Variants in ZNF343 observed in about 807,000 individuals in gnomAD.
ZNF343 encodes the protein zinc finger protein 343.
ZNF343 carries 11 observed loss-of-function variants against 13.8 expected under a neutral mutation model. The observed-to-expected ratio is 0.80, with a 90% CI of 0.50 to 1.32. The LOEUF is 1.32. ZNF343 is among the 40% of genes most tolerant of loss of function. The pLI is 0.00. For synonymous variants in ZNF343, 248 were observed against 260.0 expected (o/e 0.95, Z 0.44); for missense variants, 658 against 714.2 (o/e 0.92, Z 0.90).
intron 5 of ZNF343, among the ~76,000 whole-genome samples, chr20:2,486,314 T>C (rs1243341267): frequency 6.6e-6 from 1 of 152,248 alleles, no homozygotes; most frequent in African/African-American, 2.4e-5. Flanking sequence ...GAAAGTATCA[T>C]CATTTCACTA....
At chr20:2,499,328 A>G (rs1334521507) in intron 2 of ZNF343, among the ~76,000 whole-genome samples, 7 of 126,388 alleles carry the variant, frequency 5.5e-5, no homozygotes, top group East Asian at 2.2e-4. Flanking sequence ...AGCCGGGCGT[A>G]GTGGCGGGCA....
intron 5 of ZNF343, among the ~76,000 whole-genome samples, chr20:2,490,587 G>A (rs1367436581): frequency 6.7e-6 from 1 of 149,674 alleles, no homozygotes; most frequent in Non-Finnish European, 1.5e-5. Flanking sequence ...CCCCAGGCTG[G>A]AGTGCAATGG....
intron 4 of ZNF343, 27 bp downstream of exon 4, chr20:2,493,490 GAA>G (rs371945940): frequency 1.7e-4 from 218 of 1,260,596 alleles, no homozygotes; most frequent in Admixed American, 2.6e-4. Flanking sequence ...AGCACTTCAG[GAA>G]AAAAAAAAAA....
chr20:2,520,368 C>A (rs1045887253), intron 1 of ZNF343, among the ~76,000 whole-genome samples: 5 of 152,126 alleles, frequency 3.3e-5, no homozygotes, highest in African/African-American at 9.7e-5. Flanking sequence ...CGTGGTACCT[C>A]ACATCTATAA....
chr20:2,524,665 G>A (rs2085797328), upstream of ZNF343: 1 of 152,464 alleles, frequency 6.6e-6, no homozygotes, highest in Non-Finnish European at 1.5e-5. Context: ...GGGAGCCCAG[G>A]GGGCCTTCGC....
chr20:2,516,486 C>A (rs2085759987), intron 1 of ZNF343, among the ~76,000 whole-genome samples: 1 of 152,016 alleles, frequency 6.6e-6, no homozygotes, highest in Non-Finnish European at 1.5e-5. Flanking sequence ...AGCAAGTGCA[C>A]AGTGAGTGTG....
chr20:2,523,397 C>CT (rs373826138), intron 1 of ZNF343, among the ~76,000 whole-genome samples: 3,264 of 149,646 alleles, frequency 0.022, 74 homozygotes, highest in African/African-American at 0.061. Context: ...TCTTTTATTC[C>CT]TTTTTTTTTT....
At chr20:2,495,533 A>T (rs998311197) in intron 2 of ZNF343, 1 of 152,238 alleles carries the variant, frequency 6.6e-6, no homozygotes, top group Non-Finnish European at 1.5e-5. Context: ...TACTGTAAAA[A>T]GTCATGGTAC....
At chr20:2,524,495 C>G (rs1322310210) in exon 1 of ZNF343, 2 of 152,866 alleles carry the variant, frequency 1.3e-5, no homozygotes, top group South Asian at 2.1e-4. Context: ...GGCTGTCCCC[C>G]CACTGCCTGC....
intron 2 of ZNF343, among the ~76,000 whole-genome samples, chr20:2,496,788 G>GACTT (rs1283873494): frequency 6.6e-6 from 1 of 152,158 alleles, no homozygotes; most frequent in Non-Finnish European, 1.5e-5. Flanking sequence ...GGAAGGATAA[G>GACTT]ACTTACCATC....
chr20:2,519,079 T>C (rs2085772005), intron 1 of ZNF343, among the ~76,000 whole-genome samples: 1 of 152,188 alleles, frequency 6.6e-6, no homozygotes, highest in African/African-American at 2.4e-5. Flanking sequence ...TAAACCTCTT[T>C]CCTTTTTAAA....
Position 2,482,951 on chromosome 20 carries a change from G to T in ZNF343, c.*210C>A. On this transcript the variant is annotated 3_prime_UTR_variant, in exon 6 of 6. Coordinates refer to ENST00000278772, the MANE Select transcript of ZNF343 (RefSeq NM_024325.6). ...CTTTTGTGCATGCTCAAGGCTGACT[G>T]ATGGCTACAGTTGCCCGTACTCTAT... 1 of 592,934 alleles carries T rather than the reference G, an allele frequency of 1.7e-6. No homozygotes were observed. The highest frequency in any genetic ancestry group is 2.9e-6 in the Non-Finnish European group (1 of 344,814). 36.7% of individuals were successfully genotyped at this position (592,934 alleles called of 1,614,324 possible).
chr20:2,514,234 G>A (rs1302905160), intron 1 of ZNF343, among the ~76,000 whole-genome samples: 2 of 152,172 alleles, frequency 1.3e-5, no homozygotes, highest in Admixed American at 1.3e-4. Flanking sequence ...GCTTAAATGT[G>A]AAATTTCTTC....
At chr20:2,517,298 T>A (rs1337191624) in intron 1 of ZNF343, among the ~76,000 whole-genome samples, 1 of 151,942 alleles carries the variant, frequency 6.6e-6, no homozygotes, top group African/African-American at 2.4e-5. Flanking sequence ...TGTATATGTA[T>A]ACACACACAC....
exon 1 of ZNF343, chr20:2,524,473 GT>G (rs140841602): frequency 6.5e-6 from 1 of 152,706 alleles, no homozygotes; most frequent in Non-Finnish European, 1.5e-5. Flanking sequence ...TGGGTTTCGC[GT>G]TCTGGTTCCA....
rs751371080 is a variant in ZNF343 at position 2,484,067 on chromosome 20, C to A, written c.894G>T (p.Val298=). Residue 298 remains valine, a synonymous_variant, in exon 6 of 6, where the codon GTG becomes GTT. Coordinates refer to ENST00000278772, the MANE Select transcript of ZNF343 (RefSeq NM_024325.6). ...HRIHSMEKPY[V]CSECGRGFSQ... ...TAAAACCTCGCCCGCACTCACTGCACACATAAGGCTTCTCCATCGAGTGTA... is the reference window on the plus strand; with the variant it reads ...TAAAACCTCGCCCGCACTCACTGCAAACATAAGGCTTCTCCATCGAGTGTA... 1 of 1,614,126 alleles carries A rather than the reference C, an allele frequency of 6.2e-7. No homozygotes were observed. Among genetic ancestry groups the A allele is most frequent in the Non-Finnish European group, 8.5e-7 (1 of 1,180,012 alleles).
Position 2,483,904 on chromosome 20 carries a change from A to T in ZNF343, c.1057T>A (p.Tyr353Asn), listed in dbSNP as rs1189318895. The T allele has an allele frequency of 1.2e-6, 2 of 1,614,186 alleles. No individual in the cohort carries two copies. Among genetic ancestry groups the T allele is most frequent in the Admixed American group, 3.3e-5 (2 of 60,016 alleles). ...CCTCGCCCACACTCGCTGCAAACAT[A>T]GGGCTTCTCCTCTGAGTGAGTCCAC... ...HQWTHSEEKP[Y>N]VCSECGRGFS... Residue 353 changes from tyrosine (Y) to asparagine (N), a missense_variant, in exon 6 of 6, where the codon TAT (tyrosine) becomes AAT (asparagine). Coordinates refer to ENST00000278772, the MANE Select transcript of ZNF343 (RefSeq NM_024325.6).
intron 1 of ZNF343, among the ~76,000 whole-genome samples, chr20:2,520,181 T>C (rs1301923430): frequency 6.6e-6 from 1 of 152,246 alleles, no homozygotes; most frequent in Non-Finnish European, 1.5e-5. Flanking sequence ...AGATTCACCT[T>C]AATTTAATGC....
Position 2,492,573 on chromosome 20 carries a change from A to G in ZNF343, c.304+126T>C, listed in dbSNP as rs1433803222. ...TTACACTAGAAAGTAAGCCCCATGGAGGCAGGGATTACGATTTTGTTTACT... is the reference window on the plus strand; with the variant it reads ...TTACACTAGAAAGTAAGCCCCATGGGGGCAGGGATTACGATTTTGTTTACT... On this transcript the variant is annotated intron_variant, in intron 5 of 5. Transcript: ENST00000278772. The G allele has an allele frequency of 7.2e-6, 8 of 1,109,194 alleles. No individual in the cohort carries two copies. The East Asian group carries it at 2.1e-4, about 28-fold the overall frequency. The allele number at this position is 1,109,194 out of a possible 1,614,324, so 68.7% of individuals were successfully genotyped here. A position where few individuals can be genotyped will look rare whatever the true frequency, so the allele number is the denominator to read the frequency against.
Sources: gnomAD v4.1 joint callset for allele counts (sites outside exome capture counted in the v4.1 genomes callset) on GRCh38, gnomAD v4.1.1 for gene constraint, MANE v1.5 for transcripts, NCBI Gene and HGNC (gene_info 2026-07-23, HGNC 2026-07-21) for gene names.